LOXHD1: variants seen among roughly 807,000 people sequenced by gnomAD.
LOXHD1 encodes the protein lipoxygenase homology PLAT domains 1.
In LOXHD1, 205 loss-of-function variants were observed where a neutral mutation model predicts 248.2. The observed-to-expected ratio is 0.83, with a 90% CI of 0.74 to 0.93. LOXHD1 has a LOEUF of 0.93. Among genes scored for constraint, LOXHD1 ranks in the 40% least tolerant of loss-of-function variants. The probability of loss-of-function intolerance (pLI) is 0.00; values close to 1 mark genes in which losing one functional copy is unlikely to be tolerated. For missense variants in LOXHD1, 2,930 were observed against 2,971.6 expected (o/e 0.99, Z 0.33); for synonymous variants, 1,113 against 1,162.8 (o/e 0.96, Z 0.87).
intron 38 of LOXHD1, among the ~76,000 whole-genome samples, chr18:46,487,379 A>G (rs985265821): frequency 1.3e-5 from 2 of 152,218 alleles, no homozygotes; most frequent in African/African-American, 4.8e-5. Context: ...TCCATGTCAC[A>G]TTGTTCAAGG....
rs1033217603 is a variant in LOXHD1, at chr18:46,519,095, C to A, written c.5272-839G>T. On this transcript the variant is annotated intron_variant, in intron 33 of 40. Coordinates refer to ENST00000642948, the MANE Select transcript of LOXHD1 (RefSeq NM_001384474.1). ...CTTCCTCTGTGAGGCAGCCTCGTGGCAAGAGAAAGCACTTACACTGATGTT... is the reference window on the plus strand; with the variant it reads ...CTTCCTCTGTGAGGCAGCCTCGTGGAAAGAGAAAGCACTTACACTGATGTT... 1.9e-5 allele frequency: 19 copies of A among 985,508 alleles called. No homozygotes were observed. In the Admixed American group the frequency reaches 8.0e-4, roughly 41 times the overall value. The allele number at this position is 985,508 out of a possible 1,614,324, so 61.0% of individuals were successfully genotyped here.
chr18:46,606,306 C>G (rs922555176), intron 6 of LOXHD1, among the ~76,000 whole-genome samples: 2 of 151,656 alleles, frequency 1.3e-5, no homozygotes, highest in Non-Finnish European at 2.9e-5. Context: ...TTTGTCACAG[C>G]ACTATTTATA....
intron 21 of LOXHD1, among the ~76,000 whole-genome samples, chr18:46,552,254 A>AAAAAC (rs773227330): frequency 1.3e-5 from 2 of 152,332 alleles, no homozygotes; most frequent in East Asian, 1.9e-4. Flanking sequence ...GAGGCAGTAA[A>AAAAAC]AAAACAAAAC....
intron 4 of LOXHD1, among the ~76,000 whole-genome samples, chr18:46,619,641 A>G (rs1207072509): frequency 6.6e-6 from 1 of 152,232 alleles, no homozygotes; most frequent in African/African-American, 2.4e-5. Flanking sequence ...TGCTCAGGGC[A>G]AAGGACTGAG....
intron 12 of LOXHD1, among the ~76,000 whole-genome samples, chr18:46,586,753 T>C (rs2038069192): frequency 6.6e-6 from 1 of 152,218 alleles, no homozygotes; most frequent in African/African-American, 2.4e-5. Context: ...CCGCCATAGC[T>C]GTTGTTTTTA....
rs377280475 is a variant in LOXHD1, at chr18:46,610,793, C to T, written c.742G>A (p.Gly248Ser). ...GAACTCACCTGGGACAGGAACCAAC[C>T]TGCAGAGCCCCCCTTATTGTTGTGG... Reference protein sequence around the residue: ...VGHNNKGGSAGWFLSQIVIED... With the variant: ...VGHNNKGGSASWFLSQIVIED... Residue 248 changes from glycine to serine, a missense_variant, in exon 6 of 41, where the codon GGT (glycine) becomes AGT (serine). By Grantham distance (56) the Gly-to-Ser change is moderately conservative. Coordinates refer to ENST00000642948, the MANE Select transcript of LOXHD1 (RefSeq NM_001384474.1). 6.4e-5 allele frequency: 100 copies of T among 1,551,464 alleles called. No homozygotes were observed. The South Asian group carries it at 1.1e-3, about 17-fold the overall frequency.
rs1194907382 is a variant in LOXHD1 at position 46,569,608 on chromosome 18, C to G, written c.2078G>C (p.Gly693Ala). The change falls in exon 16 of 41, where the codon GGG becomes GCG. Residue 693 changes from glycine to alanine, a missense_variant. Transcript: ENST00000642948. ...NFRYHISLKT[G>A]DVSGASTDSR... Reference sequence around the variant, plus strand: ...ATCCGTGCTGGCCCCAGAGACATCCCCAGTCTTCAAGCTGATGTGATAGCG... The same window carrying G: ...ATCCGTGCTGGCCCCAGAGACATCCGCAGTCTTCAAGCTGATGTGATAGCG... 6.4e-7 allele frequency: 1 copy of G among 1,551,408 alleles called. No individual in the cohort carries two copies. The highest frequency in any genetic ancestry group is 1.4e-5 in the African/African-American group (1 of 73,032).
In LOXHD1 at chr18:46,522,297, T is replaced by G. The variant is rs1044006822; in HGVS notation, c.4889A>C (p.Tyr1630Ser). ...GTGCTTCCCAGTGGTGACTGACACA[T>G]AGTAGGGAATAACTGCAAGAGATCA... ...YVQEGPIIPY[Y>S]VSVTTGKHKD... The change falls in exon 32 of 41, where the codon TAT becomes TCT. Residue 1630 changes from tyrosine to serine, a missense_variant. Coordinates refer to ENST00000642948, the MANE Select transcript of LOXHD1 (RefSeq NM_001384474.1). 9.0e-6 allele frequency: 14 copies of G among 1,551,706 alleles called. No homozygotes were observed. The highest frequency in any genetic ancestry group is 1.2e-5 in the Non-Finnish European group (14 of 1,146,952).
intron 37 of LOXHD1, among the ~76,000 whole-genome samples, chr18:46,494,849 C>CT (rs58016824): frequency 0.071 from 6,835 of 96,308 alleles, 585 homozygotes; most frequent in Middle Eastern, 0.097. Context: ...TTCTCTCTCT[C>CT]TTTTTTTTTT....
Position 46,509,790 on chromosome 18 carries a change from A to G in LOXHD1, c.5425T>C (p.Phe1809Leu). ...ARFEREQNDT[F>L]IMEILDIAPF... ...GCAATGTCTAGGATCTCCATGATGA[A>G]GGTGTCGTTCTGCTCCCGCTCAAAC... The change falls in exon 35 of 41, where the codon TTC (phenylalanine) becomes CTC (leucine). Residue 1809 changes from phenylalanine to leucine, a missense_variant. Coordinates refer to ENST00000642948, the MANE Select transcript of LOXHD1 (RefSeq NM_001384474.1). 2.1e-6 allele frequency: 3 copies of G among 1,407,774 alleles called. No individual in the cohort carries two copies. The highest frequency in any genetic ancestry group is 2.8e-6 in the Non-Finnish European group (3 of 1,057,216). The allele number at this position is 1,407,774 out of a possible 1,614,324, so 87.2% of individuals were successfully genotyped here. A position where few individuals can be genotyped will look rare whatever the true frequency, so the allele number is the denominator to read the frequency against.
chr18:46,487,176 G>A (rs1325467113), intron 38 of LOXHD1, among the ~76,000 whole-genome samples: 1 of 152,162 alleles, frequency 6.6e-6, no homozygotes, highest in Non-Finnish European at 1.5e-5. Flanking sequence ...GAAGTCACTA[G>A]CATAAAGGGG....
rs1178577372 is a variant in LOXHD1, at chr18:46,560,376, AG to A, written c.2767del (p.Leu923CysfsTer10). 1 of 1,552,492 alleles carries A rather than the reference AG, an allele frequency of 6.4e-7. No individual in the cohort carries two copies. Among genetic ancestry groups the A allele is most frequent in the African/African-American group, 1.4e-5 (1 of 73,164 alleles). ...EARKKKEKDK[L>X]RQLLKKERLK... Reference sequence around the variant, plus strand: ...CCGCTCCTTCTTGAGCAGCTGCCGCAGCTTGTCCTTCTCCTTCTTCTTCCGG... The same window carrying A: ...CCGCTCCTTCTTGAGCAGCTGCCGCACTTGTCCTTCTCCTTCTTCTTCCGG... On this transcript the variant is annotated frameshift_variant, in exon 19 of 41. Transcript: ENST00000642948. LOFTEE classifies it high-confidence loss of function.
intron 6 of LOXHD1, among the ~76,000 whole-genome samples, chr18:46,610,540 AAGAGAG>A (rs1158884351): frequency 6.6e-6 from 1 of 151,522 alleles, no homozygotes; most frequent in African/African-American, 2.4e-5. Context: ...CTAAAAAGAA[AAGAGAG>A]AGAGAGAGAG....
chr18:46,569,282 A>G (rs752047748), intron 16 of LOXHD1, among the ~76,000 whole-genome samples, 160 bp downstream of exon 16: 1 of 152,156 alleles, frequency 6.6e-6, no homozygotes, highest in Admixed American at 6.5e-5. Flanking sequence ...CTCACTCACT[A>G]TTCCCAAGTG....
chr18:46,629,626 T>C (rs796612738), intron 4 of LOXHD1, among the ~76,000 whole-genome samples: 24 of 151,990 alleles, frequency 1.6e-4, no homozygotes, highest in African/African-American at 5.8e-4. Flanking sequence ...GTGATAATCA[T>C]TGTGTGGCAC....
At chr18:46,488,351 A>C (rs1308898711) in intron 38 of LOXHD1, among the ~76,000 whole-genome samples, 1 of 152,222 alleles carries the variant, frequency 6.6e-6, no homozygotes, top group African/African-American at 2.4e-5. Context: ...ACTGAGATTT[A>C]GGGGTTTGCC....
chr18:46,556,084 G>A (rs1033408493), intron 21 of LOXHD1, among the ~76,000 whole-genome samples: 2 of 149,328 alleles, frequency 1.3e-5, no homozygotes, highest in East Asian at 4.0e-4. Flanking sequence ...AAATTTCAGT[G>A]TCCAACACTG....
In LOXHD1 at chr18:46,594,442, C is replaced by G. The variant is rs899083277; in HGVS notation, c.1159G>C (p.Gly387Arg). 1 of 1,551,400 alleles carries G rather than the reference C, an allele frequency of 6.4e-7. No homozygotes were observed. The highest frequency in any genetic ancestry group is 1.4e-5 in the African/African-American group (1 of 72,988). ...EKVVILCPFTGIQQTFPCSNW... is the reference protein window; with the variant it reads ...EKVVILCPFTRIQQTFPCSNW... ...CTACAAGGGAAGGTCTGCTGGATAC[C>G]AGTGAAGGGGCACAGAATCACCACC... Residue 387 changes from glycine (G) to arginine (R), a missense_variant, in exon 9 of 41, where the codon GGT (glycine) becomes CGT (arginine). Coordinates refer to ENST00000642948, the MANE Select transcript of LOXHD1 (RefSeq NM_001384474.1).
chr18:46,557,329 C>G (rs767648301), intron 21 of LOXHD1, 27 bp downstream of exon 21: 4 of 1,552,166 alleles, frequency 2.6e-6, no homozygotes, highest in Non-Finnish European at 3.5e-6. Context: ...AGCAACACCC[C>G]TCCCTGCCCA....
Sources: gnomAD v4.1 joint callset for allele counts (sites outside exome capture counted in the v4.1 genomes callset) on GRCh38, gnomAD v4.1.1 for gene constraint, MANE v1.5 for transcripts, NCBI Gene and HGNC (gene_info 2026-07-23, HGNC 2026-07-21) for gene names.